Variants in ZNF618 observed in about 807,000 individuals in gnomAD.
The protein encoded by ZNF618 is neural precursor cell expressed, developmentally down-regulated 10.
A neutral mutation model predicts 103.0 loss-of-function variants in ZNF618; 34 were observed. That is an observed-to-expected ratio of 0.33 (90% CI 0.25 to 0.44). The LOEUF (loss-of-function observed/expected upper bound fraction) is 0.44. Ranked by LOEUF, ZNF618 falls within the 20% of genes least tolerant of loss-of-function variation. The pLI is 1.00. For missense variants in ZNF618, 1,059 were observed against 1,295.4 expected, an observed-to-expected ratio of 0.82 and a Z score of 2.80; for synonymous variants, 551 against 542.2, an observed-to-expected ratio of 1.02 and a Z score of -0.23.
At chr9:114,010,652 C>A (rs10982028) in intron 9 of ZNF618, among the ~76,000 whole-genome samples, 2 of 151,512 alleles carry the variant, frequency 1.3e-5, no homozygotes, top group African/African-American at 2.4e-5. Context: ...TGCAGTGAGC[C>A]GAGATTGCAC....
At chr9:114,001,887 C>CT (rs1299496936) in intron 4 of ZNF618, 109 bp from the exon 5 acceptor site, 1 of 945,722 alleles carries the variant, frequency 1.1e-6, no homozygotes, top group East Asian at 2.5e-5. Flanking sequence ...GGGACCATCT[C>CT]TGCCCCTGGG....
At chr9:113,930,924 C>A (rs1833525543) in intron 1 of ZNF618, among the ~76,000 whole-genome samples, 1 of 152,114 alleles carries the variant, frequency 6.6e-6, no homozygotes. Flanking sequence ...GAAGTAAAGG[C>A]CAATAAGCAC....
At chr9:113,888,451 C>T (rs1829283276) in intron 1 of ZNF618, among the ~76,000 whole-genome samples, 1 of 152,250 alleles carries the variant, frequency 6.6e-6, no homozygotes, top group African/African-American at 2.4e-5. Flanking sequence ...CGTTTGAAAA[C>T]AGTTGCAGAA....
intron 1 of ZNF618, among the ~76,000 whole-genome samples, chr9:113,883,982 GCCCC>G (rs558766678): frequency 3.6e-3 from 107 of 29,614 alleles, no homozygotes; most frequent in African/African-American, 0.014. Flanking sequence ...TCTGGGCTTG[GCCCC>G]CCCCCCCCCC....
intron 9 of ZNF618, among the ~76,000 whole-genome samples, chr9:114,012,907 T>C (rs561843330): frequency 6.6e-6 from 1 of 152,154 alleles, no homozygotes; most frequent in Non-Finnish European, 1.5e-5. Context: ...AGATTTAATA[T>C]CTGCATAATC....
In ZNF618 at chr9:114,048,898, G is replaced by T; in HGVS notation, c.1596G>T (p.Gln532His). The T allele has an allele frequency of 6.2e-7, 1 of 1,608,800 alleles. No individual in the cohort carries two copies. Reference sequence around the variant, plus strand: ...AGCACCTGCCACGCATGTACAACCAGGTGAAGGTGAAAGTGACCTGTGCCT... The same window carrying T: ...AGCACCTGCCACGCATGTACAACCATGTGAAGGTGAAAGTGACCTGTGCCT... The part of the protein sequence containing the change: ...ALKHLPRMYN[Q>H]VKVKVTCALG... The change falls in exon 15 of 15, where the codon CAG (glutamine) becomes CAT (histidine). Residue 532 changes from glutamine to histidine, a missense_variant. By Grantham distance (24) the Gln-to-His change is conservative (BLOSUM62 0). Coordinates refer to ENST00000374126, the MANE Select transcript of ZNF618 (RefSeq NM_001318042.2).
Position 114,055,758 on chromosome 9 carries a change from A to T in ZNF618, c.*5591A>T, listed in dbSNP as rs1846442631. ...TTTACAAAAAAACAAACACAAAAAA[A>T]ATATCTTTTTTAGGCCAGAGTTTTC... is the stretch of plus-strand genomic sequence containing the variant. On this transcript the variant is annotated 3_prime_UTR_variant, in exon 15 of 15. Coordinates refer to ENST00000374126, the MANE Select transcript of ZNF618 (RefSeq NM_001318042.2). The T allele has an allele frequency of 6.6e-6, 1 of 152,474 alleles. No homozygotes were observed. The highest frequency in any genetic ancestry group is 2.4e-5 in the African/African-American group (1 of 41,426). 9.4% of individuals were successfully genotyped at this position (152,474 alleles called of 1,614,324 possible).
intron 13 of ZNF618, among the ~76,000 whole-genome samples, chr9:114,037,932 G>C (rs1844768709): frequency 6.6e-6 from 1 of 152,146 alleles, no homozygotes; most frequent in African/African-American, 2.4e-5. Context: ...GGTGCTGTGT[G>C]ACCTCCTGCA....
At chr9:113,917,205 C>T (rs866421122) in intron 1 of ZNF618, among the ~76,000 whole-genome samples, 8 of 149,050 alleles carry the variant, frequency 5.4e-5, no homozygotes, top group Middle Eastern at 7.0e-3. Flanking sequence ...TGGATATATC[C>T]TTCTTTGCCT....
At chr9:113,881,624 A>ATG (rs1828535167) in intron 1 of ZNF618, among the ~76,000 whole-genome samples, 1 of 152,206 alleles carries the variant, frequency 6.6e-6, no homozygotes, top group African/African-American at 2.4e-5. Context: ...CAGCAGCCAC[A>ATG]TGTGGCTGGT....
At chr9:114,021,177 A>G (rs1212070613) in intron 10 of ZNF618, among the ~76,000 whole-genome samples, 1 of 152,092 alleles carries the variant, frequency 6.6e-6, no homozygotes, top group Non-Finnish European at 1.5e-5. Context: ...GAAAGTTACA[A>G]CCTGGGGATG....
chr9:114,002,283 T>C (rs1841301235), intron 5 of ZNF618, among the ~76,000 whole-genome samples: 1 of 152,172 alleles, frequency 6.6e-6, no homozygotes, highest in Non-Finnish European at 1.5e-5. Flanking sequence ...AGGGGGACTC[T>C]GCAGGACACA....
intron 2 of ZNF618, among the ~76,000 whole-genome samples, chr9:113,986,710 A>G (rs544368043): frequency 1.6e-4 from 24 of 152,242 alleles, no homozygotes; most frequent in African/African-American, 5.5e-4. Flanking sequence ...GGGCTTCACC[A>G]TCTGAATTGG....
chr9:114,010,619 G>T (rs976038251), intron 9 of ZNF618, among the ~76,000 whole-genome samples: 5 of 151,794 alleles, frequency 3.3e-5, no homozygotes, highest in Non-Finnish European at 5.9e-5. Context: ...CAGGAGAATC[G>T]CTTGAACCCA....
At chr9:113,935,787 G>A (rs1833977613) in intron 1 of ZNF618, among the ~76,000 whole-genome samples, 1 of 152,126 alleles carries the variant, frequency 6.6e-6, no homozygotes, top group Admixed American at 6.5e-5. Context: ...TGTGTACTCA[G>A]GACCTGCTCG....
rs1827920948 is a variant in ZNF618 at position 113,876,345 on chromosome 9, A to G, written c.-36A>G. ...ACCAGCAGCCCGGCCCGGGAGGAGCAGGACGCGCCGGGGCCGCCTCCTCCC... is the reference window on the plus strand; with the variant it reads ...ACCAGCAGCCCGGCCCGGGAGGAGCGGGACGCGCCGGGGCCGCCTCCTCCC... On this transcript the variant is annotated 5_prime_UTR_variant, in exon 1 of 15. Coordinates refer to ENST00000374126, the MANE Select transcript of ZNF618 (RefSeq NM_001318042.2). The G allele has an allele frequency of 2.5e-6, 3 of 1,178,028 alleles. No individual in the cohort carries two copies. The highest frequency in any genetic ancestry group is 3.4e-4 in the Middle Eastern group (1 of 2,902). The allele number at this position is 1,178,028 out of a possible 1,614,324, so 73.0% of individuals were successfully genotyped here.
At position 113,876,309 on chromosome 9, in the gene ZNF618, A is replaced by G; in HGVS notation, c.-72A>G. ...CGGCGGCGGCGGCGGCGGCGGCGGC[A>G]TTGTGCGCGCACCAGCAGCCCGGCC... On this transcript the variant is annotated 5_prime_UTR_variant, in exon 1 of 15. Transcript: ENST00000374126. 8.9e-6 allele frequency: 9 copies of G among 1,005,702 alleles called. No homozygotes were observed. Among genetic ancestry groups the G allele is most frequent in the Non-Finnish European group, 1.1e-5 (9 of 828,520 alleles). 62.3% of individuals were successfully genotyped at this position (1,005,702 alleles called of 1,614,324 possible).
intron 10 of ZNF618, among the ~76,000 whole-genome samples, chr9:114,023,370 T>C (rs1366216495): frequency 6.6e-6 from 1 of 152,116 alleles, no homozygotes; most frequent in Non-Finnish European, 1.5e-5. Context: ...ACATTACATA[T>C]AATATAAAAG....
intron 1 of ZNF618, among the ~76,000 whole-genome samples, chr9:113,962,688 C>T (rs1836967590): frequency 6.6e-6 from 1 of 152,196 alleles, no homozygotes; most frequent in East Asian, 1.9e-4. Flanking sequence ...CTCTCTCACC[C>T]TCTTACAGTG....
Sources: gnomAD v4.1 joint callset for allele counts (sites outside exome capture counted in the v4.1 genomes callset) on GRCh38, gnomAD v4.1.1 for gene constraint, MANE v1.5 for transcripts, NCBI Gene and HGNC (gene_info 2026-07-23, HGNC 2026-07-21) for gene names.